CABIN1: variants seen among roughly 807,000 people sequenced by gnomAD.
CABIN1 encodes calcineurin-binding protein cabin-1.
A neutral mutation model predicts 227.7 loss-of-function variants in CABIN1; 133 were observed. The observed-to-expected ratio is 0.58, with a 90% CI of 0.51 to 0.67. The LOEUF is 0.67. Ranked by LOEUF, CABIN1 falls within the 30% of genes least tolerant of loss-of-function variation. The probability of loss-of-function intolerance (pLI) is 0.00; values close to 1 mark genes in which losing one functional copy is unlikely to be tolerated. For missense variants in CABIN1, 2,408 were observed against 2,852.5 expected, an observed-to-expected ratio of 0.84 and a Z score of 3.55; for synonymous variants, 1,086 against 1,155.1, an observed-to-expected ratio of 0.94 and a Z score of 1.21.
chr22:24,164,593 G>T (rs980016898), intron 30 of CABIN1, 30 bp downstream of exon 30: 2 of 1,598,472 alleles, frequency 1.3e-6, no homozygotes, highest in Non-Finnish European at 1.7e-6. Flanking sequence ...ACACAGCCTG[G>T]CATGCTGTGT....
chr22:24,068,134 A>G (rs534691527), intron 16 of CABIN1, among the ~76,000 whole-genome samples: 2 of 152,332 alleles, frequency 1.3e-5, no homozygotes, highest in East Asian at 1.9e-4. Flanking sequence ...AGGTGCGACT[A>G]TGGGAACAAA....
intron 7 of CABIN1, among the ~76,000 whole-genome samples, chr22:24,050,598 GT>G (rs1398329439): frequency 6.6e-6 from 1 of 152,202 alleles, no homozygotes; most frequent in East Asian, 1.9e-4. Context: ...TCTCTGCCCA[GT>G]TTTGAATTGT....
Position 24,048,559 on chromosome 22 carries a change from T to G in CABIN1, c.527-532T>G, listed in dbSNP as rs548952690. Among the ~76,000 whole-genome samples the G allele has an allele frequency of 9.8e-5, 15 of 152,294 alleles. No homozygotes were observed. In the South Asian group the frequency reaches 2.9e-3, roughly 29 times the overall value. ...CATCAGCCTCCTGAGTAGCTGAGACTGCAGGTGCACACCAACATGCCTGAC... is the reference window on the plus strand; with the variant it reads ...CATCAGCCTCCTGAGTAGCTGAGACGGCAGGTGCACACCAACATGCCTGAC... On this transcript the variant is annotated intron_variant, in intron 6 of 36. Transcript: ENST00000263119.
chr22:24,130,733 G>A (rs1290719611), intron 28 of CABIN1, among the ~76,000 whole-genome samples: 1 of 152,126 alleles, frequency 6.6e-6, no homozygotes, highest in Non-Finnish European at 1.5e-5. Flanking sequence ...GGGGCCTCAG[G>A]CATGAATCAG....
chr22:24,055,713 T>A (rs911715981), intron 9 of CABIN1, among the ~76,000 whole-genome samples: 8 of 152,264 alleles, frequency 5.3e-5, no homozygotes, highest in African/African-American at 1.9e-4. Context: ...TATAGAAGTT[T>A]CTGAATAAAC....
At chr22:24,017,900 G>A (rs913949854) in intron 1 of CABIN1, among the ~76,000 whole-genome samples, 5 of 151,784 alleles carry the variant, frequency 3.3e-5, no homozygotes, top group African/African-American at 1.2e-4. Flanking sequence ...AAATAGTATG[G>A]TGCTCTTGTC....
chr22:24,113,956 A>G (rs2147802346), intron 27 of CABIN1, among the ~76,000 whole-genome samples: 1 of 152,340 alleles, frequency 6.6e-6, no homozygotes, highest in East Asian at 1.9e-4. Context: ...GGGTGCACAC[A>G]GAGCCCAGCA....
chr22:24,176,328 GCTGGCAGCCAGGGTGGGTTTCCCGGC>G (rs1397891319), intron 35 of CABIN1, 53 bp downstream of exon 35: 5 of 1,551,290 alleles, frequency 3.2e-6, no homozygotes, highest in South Asian at 1.2e-5. Context: ...CTGCCTCACA[GCTGGCAGCCAGGGTGGGTTTCCCGGC>G]CTGGCCTTGA....
At chr22:24,081,057 CAGTCGT>C (rs1264798652) in intron 19 of CABIN1, among the ~76,000 whole-genome samples, 1 of 152,208 alleles carries the variant, frequency 6.6e-6, no homozygotes, top group African/African-American at 2.4e-5. Flanking sequence ...CTCAGAAAAG[CAGTCGT>C]AGATATTATT....
chr22:24,099,855 G>A (rs1362376693), intron 26 of CABIN1, among the ~76,000 whole-genome samples: 2 of 152,196 alleles, frequency 1.3e-5, no homozygotes, highest in Admixed American at 6.5e-5. Flanking sequence ...CGCCACATGC[G>A]CCACTGTGCT....
Position 24,065,864 on chromosome 22 carries a change from C to T in CABIN1, c.2038-1123C>T, listed in dbSNP as rs1025930691. Among the ~76,000 whole-genome samples the T allele has an allele frequency of 7.9e-5, 12 of 152,336 alleles. No homozygotes were observed. In the East Asian group the frequency reaches 1.5e-3, roughly 20 times the overall value. On this transcript the variant is annotated intron_variant, in intron 15 of 36. Transcript: ENST00000263119. ...CGAAAAAATATGAAAACCAGTCAGG[C>T]GTGGCGGCGCACGCCTGCAATCGCA...
chr22:24,039,587 A>G (rs2037203606), intron 4 of CABIN1, among the ~76,000 whole-genome samples: 1 of 152,194 alleles, frequency 6.6e-6, no homozygotes, highest in Non-Finnish European at 1.5e-5. Flanking sequence ...GTTGGTGGGC[A>G]TGTTGGTCTT....
At chr22:24,079,111 C>T (rs979364970) in intron 19 of CABIN1, among the ~76,000 whole-genome samples, 2 of 151,844 alleles carry the variant, frequency 1.3e-5, no homozygotes, top group African/African-American at 2.4e-5. Flanking sequence ...ATGGAAAATT[C>T]CCAACATTAT....
At chr22:24,117,890 G>A (rs2147881384) in intron 27 of CABIN1, among the ~76,000 whole-genome samples, 1 of 152,320 alleles carries the variant, frequency 6.6e-6, no homozygotes, top group South Asian at 2.1e-4. Flanking sequence ...GCCACATTTT[G>A]AACACATTAG....
intron 29 of CABIN1, chr22:24,156,629 T>G (rs1461522942): frequency 6.6e-6 from 1 of 152,354 alleles, no homozygotes; most frequent in Non-Finnish European, 1.5e-5. Context: ...GGTGCTTCGC[T>G]AGCTATAAAT....
intron 24 of CABIN1, 106 bp downstream of exon 24, chr22:24,091,949 C>T: frequency 7.2e-7 from 1 of 1,393,838 alleles, no homozygotes. Context: ...CTTCAACCTG[C>T]CGCAAACTTA....
At chr22:24,094,823 CAAAAAAAAAAA>C (rs201624847) in intron 24 of CABIN1, among the ~76,000 whole-genome samples, 1 of 78,380 alleles carries the variant, frequency 1.3e-5, no homozygotes, top group Non-Finnish European at 2.9e-5. Context: ...GACTCCGTCT[CAAAAAAAAAAA>C]AAAAAAAAAA....
intron 18 of CABIN1, among the ~76,000 whole-genome samples, chr22:24,073,235 CAGAT>C (rs1306189582): frequency 2.0e-5 from 3 of 152,110 alleles, no homozygotes; most frequent in Non-Finnish European, 4.4e-5. Context: ...GTAATCTTAT[CAGAT>C]AGATCTTTTT....
At chr22:24,020,684 G>C (rs758260148) in intron 1 of CABIN1, among the ~76,000 whole-genome samples, 2 of 152,172 alleles carry the variant, frequency 1.3e-5, no homozygotes, top group African/African-American at 2.4e-5. Flanking sequence ...TGTTTATCAG[G>C]AGATTCTCAA....
Sources: gnomAD v4.1 joint callset for allele counts (sites outside exome capture counted in the v4.1 genomes callset) on GRCh38, gnomAD v4.1.1 for gene constraint, MANE v1.5 for transcripts, NCBI Gene and HGNC (gene_info 2026-07-23, HGNC 2026-07-21) for gene names.